Variants in PTK7 observed in about 807,000 individuals in gnomAD.
PTK7 encodes the protein protein tyrosine kinase 7 (inactive).
A neutral mutation model predicts 116.6 loss-of-function variants in PTK7; 39 were observed. The observed-to-expected ratio is 0.33, with a 90% CI of 0.26 to 0.44. PTK7 has a LOEUF of 0.44. Among genes scored for constraint, PTK7 ranks in the 20% least tolerant of loss-of-function variants. The pLI, the probability that PTK7 is intolerant of heterozygous loss-of-function variation, is 1.00. For missense variants in PTK7, 1,169 were observed against 1,425.6 expected (o/e 0.82, Z 2.90); for synonymous variants, 546 against 563.6 (o/e 0.97, Z 0.44).
chr6:43,155,598 G>C (rs1402976430), intron 17 of PTK7, among the ~76,000 whole-genome samples: 1 of 150,900 alleles, frequency 6.6e-6, no homozygotes, highest in Non-Finnish European at 1.5e-5. Flanking sequence ...GCAGTGAGCC[G>C]AGATCAGGCC....
At position 43,144,496 on chromosome 6, in the gene PTK7, A is replaced by T; in HGVS notation, c.2297A>T (p.Glu766Val). ...CAGCCCTCAGCAGAGATCCAAGAAG[A>T]AGTGGCCTTGACCAGCTTGGGCTCC... ...NGQPSAEIQE[E>V]VALTSLGSGP... Residue 766 changes from glutamate (E) to valine (V), a missense_variant, in exon 15 of 20, where the codon GAA becomes GTA. Glu to Val is a moderately radical substitution (Grantham distance 121). Around this residue, in one of 3 missense-constraint regions of PTK7, gnomAD observed 678 missense variants for 853.8 expected, o/e 0.79. Transcript: ENST00000230419. 1 of 1,614,172 alleles carries T rather than the reference A, an allele frequency of 6.2e-7. No homozygotes were observed.
intron 1 of PTK7, among the ~76,000 whole-genome samples, chr6:43,088,986 TAG>T (rs1487482780): frequency 6.6e-6 from 1 of 152,186 alleles, no homozygotes; most frequent in Non-Finnish European, 1.5e-5. Flanking sequence ...TAGTGGTTAA[TAG>T]AGTTAGCCAC....
chr6:43,101,551 CAA>C (rs1164905698), intron 1 of PTK7, among the ~76,000 whole-genome samples: 4 of 111,352 alleles, frequency 3.6e-5, no homozygotes, highest in Admixed American at 1.9e-4. Context: ...GACTCCGTCT[CAA>C]AAAAAAAAAT....
chr6:43,101,623 TGAA>T (rs2150391008), intron 1 of PTK7, among the ~76,000 whole-genome samples: 1 of 152,100 alleles, frequency 6.6e-6, no homozygotes, highest in South Asian at 2.1e-4. Flanking sequence ...TGAAAAATGT[TGAA>T]GAAGTAGAGC....
intron 15 of PTK7, chr6:43,144,854 T>A (rs1456585168): frequency 1.7e-3 from 574 of 332,116 alleles, no homozygotes; most frequent in East Asian, 2.2e-3. Context: ...ATTGACTCTT[T>A]AAAAAAAAAA....
At chr6:43,153,263 A>T (rs1219881360) in intron 17 of PTK7, among the ~76,000 whole-genome samples, 1 of 151,822 alleles carries the variant, frequency 6.6e-6, no homozygotes, top group Non-Finnish European at 1.5e-5. Context: ...GGCGCCCGCC[A>T]CCATGCCTGG....
rs561247320 is a variant in PTK7, at chr6:43,127,695, C to T, written c.80-1282C>T. 3.0e-4 allele frequency among the ~76,000 whole-genome samples: 45 copies of T among 152,098 alleles called. No individual in the cohort carries two copies. In the East Asian group the frequency reaches 7.7e-3, roughly 26 times the overall value. On this transcript the variant is annotated intron_variant, in intron 1 of 19. Transcript: ENST00000230419. ...CTGTAATCCCAGCACTTTGGGAGGC[C>T]GAGGCGGGCGGATCACGAGGTCAGG...
chr6:43,093,178 A>C (rs1037696907), intron 1 of PTK7, among the ~76,000 whole-genome samples: 1 of 133,988 alleles, frequency 7.5e-6, no homozygotes. Context: ...TAATGATAGG[A>C]TCTCCTTTTT....
chr6:43,129,661 C>A lies in PTK7; in HGVS notation c.368-66C>A. ...GTTCCACGGCTTCCTGCTTGTCCTCCTTGCCCTCTGCCTTCCCGCCTTTGC... is the reference window on the plus strand; with the variant it reads ...GTTCCACGGCTTCCTGCTTGTCCTCATTGCCCTCTGCCTTCCCGCCTTTGC... On this transcript the variant is annotated intron_variant, in intron 2 of 19. Coordinates refer to ENST00000230419, the MANE Select transcript of PTK7 (RefSeq NM_002821.5). This position sits in a 1 kb window ranked among gnomAD's most constrained non-coding sequence, Gnocchi z 4.5. 2 of 1,401,280 alleles carry A rather than the reference C, an allele frequency of 1.4e-6. No homozygotes were observed. Among genetic ancestry groups the A allele is most frequent in the Non-Finnish European group, 1.0e-6 (1 of 988,346 alleles). The allele number at this position is 1,401,280 out of a possible 1,614,324, so 86.8% of individuals were successfully genotyped here. A position where few individuals can be genotyped will look rare whatever the true frequency, so the allele number is the denominator to read the frequency against.
chr6:43,145,149 G>T lies in PTK7; in HGVS notation c.2408-51G>T, dbSNP rs1317024402. 1 of 1,512,958 alleles carries T rather than the reference G, an allele frequency of 6.6e-7. No individual in the cohort carries two copies. Among genetic ancestry groups the T allele is most frequent in the South Asian group, 1.3e-5 (1 of 78,570 alleles). 93.7% of individuals were successfully genotyped at this position (1,512,958 alleles called of 1,614,324 possible). A position where few individuals can be genotyped will look rare whatever the true frequency, so the allele number is the denominator to read the frequency against. On this transcript the variant is annotated intron_variant, in intron 15 of 19. Coordinates refer to ENST00000230419, the MANE Select transcript of PTK7 (RefSeq NM_002821.5). The surrounding 1 kb of genome is among the most constrained non-coding windows in gnomAD (Gnocchi z 4.8). ...GCTAGGCCCCTCCCCCAGGTCAGGA[G>T]CTGCCTCGGCCTGGGTGAAGGTGGC...
At chr6:43,086,866 C>CA (rs1178451346) in intron 1 of PTK7, among the ~76,000 whole-genome samples, 1 of 152,008 alleles carries the variant, frequency 6.6e-6, no homozygotes, top group Non-Finnish European at 1.5e-5. Context: ...AAAACAACAA[C>CA]AAAAAAACCC....
chr6:43,076,343 G>A lies in PTK7; in HGVS notation c.-146G>A. The A allele has an allele frequency of 1.1e-5, 4 of 369,038 alleles. No individual in the cohort carries two copies. Among genetic ancestry groups the A allele is most frequent in the Non-Finnish European group, 8.4e-6 (2 of 237,884 alleles). 22.9% of individuals were successfully genotyped at this position (369,038 alleles called of 1,614,324 possible). ...GGCGCGCGCGGCTCCGGCTCGGGAC[G>A]CCTCGGGACGCCTCGGGGTCGGGCT... On this transcript the variant is annotated 5_prime_UTR_variant, in exon 1 of 20. Coordinates refer to ENST00000230419, the MANE Select transcript of PTK7 (RefSeq NM_002821.5). The surrounding 1 kb of genome is among the most constrained non-coding windows in gnomAD (Gnocchi z 5.7).
intron 1 of PTK7, among the ~76,000 whole-genome samples, chr6:43,084,531 A>G (rs898549905): frequency 6.6e-6 from 1 of 152,240 alleles, no homozygotes; most frequent in Non-Finnish European, 1.5e-5. Flanking sequence ...AGAATTTATC[A>G]GTCTGAAGCG....
rs1362519902 is a variant in PTK7, at chr6:43,091,102, T to C, written c.79+14535T>C. Among the ~76,000 whole-genome samples, 4 of 152,064 alleles carry C rather than the reference T, an allele frequency of 2.6e-5. No individual in the cohort carries two copies. The South Asian group carries it at 8.3e-4, about 32-fold the overall frequency. On this transcript the variant is annotated intron_variant, in intron 1 of 19. Coordinates refer to ENST00000230419, the MANE Select transcript of PTK7 (RefSeq NM_002821.5). ...AGGAACTGACTTCTGGCTCCACAGC[T>C]TACTGGCTGAGAGACCTTAGTTTAC...
intron 17 of PTK7, among the ~76,000 whole-genome samples, chr6:43,151,211 C>CTTT (rs11398367): frequency 7.0e-5 from 10 of 141,900 alleles, no homozygotes; most frequent in East Asian, 2.1e-4. Context: ...CACCTGCCTT[C>CTTT]TTTTTTTTTT....
chr6:43,107,685 T>C (rs1171549426), intron 1 of PTK7, among the ~76,000 whole-genome samples: 1 of 152,234 alleles, frequency 6.6e-6, no homozygotes, highest in Non-Finnish European at 1.5e-5. Context: ...TAAATGATTG[T>C]TGAATTAAGA....
intron 18 of PTK7, among the ~76,000 whole-genome samples, chr6:43,159,204 C>A (rs1334650998): frequency 6.6e-6 from 1 of 152,168 alleles, no homozygotes; most frequent in African/African-American, 2.4e-5. Context: ...AATAAATAAA[C>A]CTTTTTTAAA....
In PTK7 at chr6:43,079,587, A is replaced by G. The variant is rs910808338; in HGVS notation, c.79+3020A>G. Reference sequence around the variant, plus strand: ...TATAACGTACACACAACTTCCCTGTATACTTTTGTTTTGTTTTGTTATGAG... The same window carrying G: ...TATAACGTACACACAACTTCCCTGTGTACTTTTGTTTTGTTTTGTTATGAG... On this transcript the variant is annotated intron_variant, in intron 1 of 19. Transcript: ENST00000230419. 4.6e-5 allele frequency among the ~76,000 whole-genome samples: 7 copies of G among 152,046 alleles called. No homozygotes were observed. In the East Asian group the frequency reaches 1.4e-3, roughly 29 times the overall value.
rs1452448919 is a variant in PTK7, at chr6:43,153,121, T to C, written c.2722-5696T>C. Among the ~76,000 whole-genome samples the C allele has an allele frequency of 6.0e-5, 9 of 150,204 alleles. No individual in the cohort carries two copies. In the East Asian group the frequency reaches 1.8e-3, roughly 30 times the overall value. On this transcript the variant is annotated intron_variant, in intron 17 of 19. Coordinates refer to ENST00000230419, the MANE Select transcript of PTK7 (RefSeq NM_002821.5). ...TTAATGTATTTTATTTATTTATTTA[T>C]TTATTTTGAGATGGAGTCTCTCTCT...
Sources: gnomAD v4.1 joint callset for allele counts (sites outside exome capture counted in the v4.1 genomes callset) on GRCh38, gnomAD v4.1.1 for gene constraint, gnomAD v4.1.1 regional missense constraint, Gnocchi (gnomAD v3.1) non-coding constraint, MANE v1.5 for transcripts, NCBI Gene and HGNC (gene_info 2026-07-23, HGNC 2026-07-21) for gene names.